The following CPAMD8 variants were observed in gnomAD, a reference collection of about 807,000 sequenced individuals.
The protein encoded by CPAMD8 is C3 and PZP-like alpha-2-macroglobulin domain-containing protein 8.
CPAMD8 carries 146 observed loss-of-function variants against 224.7 expected under a neutral mutation model. The observed-to-expected ratio is 0.65, with a 90% CI of 0.57 to 0.75. The LOEUF (loss-of-function observed/expected upper bound fraction) is 0.75, where lower values mean the gene tolerates loss of function less well. CPAMD8 is among the 30% of genes least tolerant of loss of function. The probability of loss-of-function intolerance (pLI) is 0.00; values close to 1 mark genes in which losing one functional copy is unlikely to be tolerated. For synonymous variants in CPAMD8, 966 were observed against 1,044.6 expected, an observed-to-expected ratio of 0.92 and a Z score of 1.45; for missense variants, 2,301 against 2,537.5, an observed-to-expected ratio of 0.91 and a Z score of 2.00.
At chr19:16,992,694 C>CA (rs2055996650) in intron 12 of CPAMD8, among the ~76,000 whole-genome samples, 1 of 152,146 alleles carries the variant, frequency 6.6e-6, no homozygotes, top group Non-Finnish European at 1.5e-5. Flanking sequence ...TCAGGTGATC[C>CA]ATCTGCCTTG....
intron 26 of CPAMD8, among the ~76,000 whole-genome samples, chr19:16,924,737 T>A (rs1190252814): frequency 2.0e-5 from 3 of 152,060 alleles, no homozygotes; most frequent in African/African-American, 7.2e-5. Flanking sequence ...TGTGCCACCA[T>A]GTCTGGCTAA....
At chr19:16,902,578 C>T in intron 35 of CPAMD8, 71 bp downstream of exon 35, 1 of 937,256 alleles carries the variant, frequency 1.1e-6, no homozygotes, top group Non-Finnish European at 1.6e-6. Flanking sequence ...TCCTCCTGGT[C>T]CCAGGAGGCC....
In CPAMD8 at chr19:16,975,146, A is replaced by G. The variant is rs1438951654; in HGVS notation, c.2021T>C (p.Val674Ala). ...LTAQRRRRSS[V>A]FPWPWGITKD... ...GGTGATGCCCCAAGGCCACGGGAAGACAGAGGAGCGCCGGCGTCGTTGTGC... is the reference window on the plus strand; with the variant it reads ...GGTGATGCCCCAAGGCCACGGGAAGGCAGAGGAGCGCCGGCGTCGTTGTGC... The change falls in exon 17 of 42, where the codon GTC becomes GCC. Residue 674 changes from valine to alanine, a missense_variant. Transcript: ENST00000443236. 8 of 1,613,176 alleles carry G rather than the reference A, an allele frequency of 5.0e-6. No homozygotes were observed. The highest frequency in any genetic ancestry group is 6.8e-6 in the Non-Finnish European group (8 of 1,179,732).
At chr19:16,971,155 G>A in intron 17 of CPAMD8, 122 bp from the exon 18 acceptor site, 1 of 822,608 alleles carries the variant, frequency 1.2e-6, no homozygotes, top group South Asian at 2.1e-5. Context: ...CAACCTTGGG[G>A]GCATCATTCT....
At chr19:16,906,398 CTTTCTTTCT>C (rs1568459803) in intron 30 of CPAMD8, among the ~76,000 whole-genome samples, 697 of 98,406 alleles carry the variant, frequency 7.1e-3, no homozygotes, top group Middle Eastern at 0.024. Context: ...TTCTTTCTTT[CTTTCTTTCT>C]TTCCTTCCTT....
intron 9 of CPAMD8, among the ~76,000 whole-genome samples, chr19:17,001,873 AGGGGCAC>A (rs1161550594): frequency 1.4e-5 from 2 of 147,106 alleles, no homozygotes; most frequent in Non-Finnish European, 3.0e-5. Flanking sequence ...CCCCCAGGGG[AGGGGCAC>A]GGGAAAGGAT....
chr19:16,976,963 AC>A (rs1340091384), intron 15 of CPAMD8, among the ~76,000 whole-genome samples: 3 of 151,762 alleles, frequency 2.0e-5, no homozygotes, highest in East Asian at 3.9e-4. Flanking sequence ...AATTGCTTGA[AC>A]CCGGGAGGCA....
intron 21 of CPAMD8, among the ~76,000 whole-genome samples, chr19:16,946,451 A>G (rs1014976852): frequency 3.7e-5 from 5 of 136,110 alleles, no homozygotes; most frequent in African/African-American, 5.7e-5. Context: ...ATGTCTACAC[A>G]TGTGGGCATG....
At chr19:16,951,063 A>G (rs1480883998) in intron 20 of CPAMD8, among the ~76,000 whole-genome samples, 1 of 152,116 alleles carries the variant, frequency 6.6e-6, no homozygotes, top group African/African-American at 2.4e-5. Context: ...CTGGAACCCC[A>G]ATAATATCAT....
rs1483550716 is a variant in CPAMD8, at chr19:17,000,433, G to A, written c.848C>T (p.Pro283Leu). ...VGYYSHEVGR[P>L]VLRTTKILGS... ...TCTCACCTTGGTTGTTCTGAGGACA[G>A]GGCGTCCCACCTCGTGGCTGTAGTA... The change falls in exon 10 of 42, where the codon CCT becomes CTT. Residue 283 changes from proline to leucine, a missense_variant. Physicochemically the swap from Pro to Leu is moderately conservative, Grantham distance 98 (BLOSUM62 -3). Transcript: ENST00000443236. 4.0e-6 allele frequency: 6 copies of A among 1,482,988 alleles called. No individual in the cohort carries two copies. Among genetic ancestry groups the A allele is most frequent in the Non-Finnish European group, 5.7e-6 (6 of 1,060,134 alleles). 91.9% of individuals were successfully genotyped at this position (1,482,988 alleles called of 1,614,324 possible). A position where few individuals can be genotyped will look rare whatever the true frequency, so the allele number is the denominator to read the frequency against.
intron 29 of CPAMD8, among the ~76,000 whole-genome samples, chr19:16,912,325 G>C (rs2052759839): frequency 6.6e-6 from 1 of 152,100 alleles, no homozygotes; most frequent in South Asian, 2.1e-4. Context: ...TGCCCTGCAG[G>C]GCAGGCCTTC....
At chr19:17,009,187 T>A in intron 6 of CPAMD8, 116 bp downstream of exon 6, 1 of 1,573,322 alleles carries the variant, frequency 6.4e-7, no homozygotes, top group Middle Eastern at 1.8e-4. Context: ...CCCAGCCTTG[T>A]AAGGCACAGC....
At chr19:16,994,514 C>CT (rs1213117903) in intron 11 of CPAMD8, among the ~76,000 whole-genome samples, 350 of 106,510 alleles carry the variant, frequency 3.3e-3, no homozygotes, top group Non-Finnish European at 5.2e-3. Context: ...TTAACCACTC[C>CT]CTTTTTTTTT....
intron 8 of CPAMD8, among the ~76,000 whole-genome samples, chr19:17,002,999 T>G (rs1385800314): frequency 6.6e-6 from 1 of 151,350 alleles, no homozygotes; most frequent in Non-Finnish European, 1.5e-5. Context: ...CTCCTCCTGG[T>G]TCAAGCAATT....
At chr19:17,002,836 A>G (rs931680792) in intron 8 of CPAMD8, among the ~76,000 whole-genome samples, 10 of 152,106 alleles carry the variant, frequency 6.6e-5, no homozygotes, top group African/African-American at 2.4e-4. Context: ...TAAACCAGAA[A>G]GAATCGGGTC....
At chr19:17,018,246 G>T (rs768287227) in intron 3 of CPAMD8, among the ~76,000 whole-genome samples, 1 of 152,080 alleles carries the variant, frequency 6.6e-6, no homozygotes, top group Non-Finnish European at 1.5e-5. Flanking sequence ...CCCAAATGCC[G>T]CAATTCCAGG....
At chr19:16,906,391 TTTC>T (rs2052506617) in intron 30 of CPAMD8, among the ~76,000 whole-genome samples, 1 of 78,742 alleles carries the variant, frequency 1.3e-5, no homozygotes, top group Non-Finnish European at 3.1e-5. Context: ...TCTTTCTTTC[TTTC>T]TTTCTTTCTT....
In CPAMD8 at chr19:17,002,314, C is replaced by A; in HGVS notation, c.710G>T (p.Arg237Leu). The change falls in exon 9 of 42, where the codon CGG becomes CTG. Residue 237 changes from arginine (R) to leucine (L), a missense_variant. Transcript: ENST00000443236. ...ACAGGCGTCCAGGTCTTGGATATAC[C>A]GGGGCGGGTCAATCAGAAGCTCAAA... ...PKFELLIDPP[R>L]YIQDLDACET... 6.2e-7 allele frequency: 1 copy of A among 1,606,330 alleles called. No homozygotes were observed. Among genetic ancestry groups the A allele is most frequent in the Non-Finnish European group, 8.5e-7 (1 of 1,175,622 alleles).
intron 41 of CPAMD8, chr19:16,895,185 G>A (rs2051912425): frequency 6.6e-6 from 1 of 152,592 alleles, no homozygotes; most frequent in Non-Finnish European, 1.5e-5. Flanking sequence ...CAACGCGGGT[G>A]GATCACCTGA....
Sources: gnomAD v4.1 joint callset for allele counts (sites outside exome capture counted in the v4.1 genomes callset) on GRCh38, gnomAD v4.1.1 for gene constraint, MANE v1.5 for transcripts, NCBI Gene and HGNC (gene_info 2026-07-23, HGNC 2026-07-21) for gene names.